Variants in ST8SIA2 observed in about 807,000 individuals in gnomAD.
ST8SIA2 encodes the protein ST8 alpha-N-acetyl-neuraminide alpha-2,8-sialyltransferase 2.
Under a neutral mutation model 37.6 loss-of-function variants are expected in ST8SIA2, and 22 were observed. The observed-to-expected ratio is 0.58, with a 90% CI of 0.42 to 0.83. The LOEUF (loss-of-function observed/expected upper bound fraction) is 0.83. ST8SIA2 is among the 40% of genes least tolerant of loss of function. The pLI, the probability that ST8SIA2 is intolerant of heterozygous loss-of-function variation, is 0.00. For missense variants in ST8SIA2, 382 were observed against 484.7 expected (o/e 0.79, Z 1.99); for synonymous variants, 205 against 201.2 (o/e 1.02, Z -0.16).
intron 4 of ST8SIA2, among the ~76,000 whole-genome samples, chr15:92,440,430 G>A (rs770472167): frequency 6.6e-6 from 1 of 152,186 alleles, no homozygotes; most frequent in Non-Finnish European, 1.5e-5. Context: ...GTGACTGCAC[G>A]TGGACAGGTG....
chr15:92,441,872 G>C (rs1596244526), intron 4 of ST8SIA2, among the ~76,000 whole-genome samples: 1 of 152,350 alleles, frequency 6.6e-6, no homozygotes, highest in Non-Finnish European at 1.5e-5. Context: ...GAGGGCTGGA[G>C]CCAGGCAGTG....
chr15:92,437,499 G>T (rs1224697442), intron 3 of ST8SIA2, among the ~76,000 whole-genome samples: 1 of 152,168 alleles, frequency 6.6e-6, no homozygotes, highest in Non-Finnish European at 1.5e-5. Flanking sequence ...AGAGAGCTGT[G>T]CTTCGTTCTG....
intron 1 of ST8SIA2, among the ~76,000 whole-genome samples, chr15:92,395,282 G>A (rs1450505366): frequency 6.6e-6 from 1 of 152,234 alleles, no homozygotes; most frequent in Non-Finnish European, 1.5e-5. Context: ...CGAGTCCCGC[G>A]CCGCGTGCGC....
chr15:92,441,151 C>T (rs975911686), intron 4 of ST8SIA2, among the ~76,000 whole-genome samples: 20 of 152,366 alleles, frequency 1.3e-4, no homozygotes, highest in Non-Finnish European at 2.4e-4. Flanking sequence ...AACACAAAGA[C>T]ACGCAAGACC....
rs1049960749 is a variant in ST8SIA2 at position 92,467,919 on chromosome 15, C to G, written c.*3534C>G. 1 of 152,420 alleles carries G rather than the reference C, an allele frequency of 6.6e-6. No individual in the cohort carries two copies. Among genetic ancestry groups the G allele is most frequent in the African/African-American group, 2.4e-5 (1 of 41,452 alleles). The allele number at this position is 152,420 out of a possible 1,614,324, so 9.4% of individuals were successfully genotyped here. A position where few individuals can be genotyped will look rare whatever the true frequency, so the allele number is the denominator to read the frequency against. On this transcript the variant is annotated 3_prime_UTR_variant, in exon 6 of 6. Transcript: ENST00000268164. ...ACACTCACCCCATCTGCTCCCACGG[C>G]AGCACCATCAACTCAACAAGTCAGA...
chr15:92,445,465 T>C (rs932185991), intron 5 of ST8SIA2, among the ~76,000 whole-genome samples: 3 of 152,240 alleles, frequency 2.0e-5, no homozygotes, highest in African/African-American at 7.2e-5. Context: ...AATGTTATCA[T>C]CAATCATCGC....
intron 4 of ST8SIA2, among the ~76,000 whole-genome samples, chr15:92,439,415 C>G (rs548297989): frequency 6.6e-6 from 1 of 152,222 alleles, no homozygotes; most frequent in East Asian, 1.9e-4. Context: ...ACCCCCAACC[C>G]ACTACAGTCA....
At chr15:92,416,699 G>A (rs866770042) in intron 1 of ST8SIA2, among the ~76,000 whole-genome samples, 2 of 152,118 alleles carry the variant, frequency 1.3e-5, no homozygotes, top group African/African-American at 2.4e-5. Flanking sequence ...CCAGGGTCCC[G>A]TCGGGATTCA....
At chr15:92,421,548 A>G (rs929100487) in intron 1 of ST8SIA2, among the ~76,000 whole-genome samples, 7 of 152,242 alleles carry the variant, frequency 4.6e-5, no homozygotes, top group Non-Finnish European at 1.0e-4. Flanking sequence ...GAACCCATGA[A>G]GTAGATACTA....
At chr15:92,453,694 G>A (rs938280749) in intron 5 of ST8SIA2, among the ~76,000 whole-genome samples, 3 of 152,182 alleles carry the variant, frequency 2.0e-5, no homozygotes, top group African/African-American at 7.2e-5. Flanking sequence ...GGGCCACAGT[G>A]GCAGAGAAAT....
chr15:92,441,621 G>A lies in ST8SIA2; in HGVS notation c.548+3011G>A, dbSNP rs866867044. 3.6e-5 allele frequency among the ~76,000 whole-genome samples: 5 copies of A among 140,100 alleles called. No homozygotes were observed. In the South Asian group the frequency reaches 7.3e-4, roughly 21 times the overall value. 91.9% of individuals were successfully genotyped at this position (140,100 alleles called of 152,430 possible). A position where few individuals can be genotyped will look rare whatever the true frequency, so the allele number is the denominator to read the frequency against. ...CACACACACACACACACACACACAC[G>A]CACTTCTTCCATAGGGAGAATCTGA... On this transcript the variant is annotated intron_variant, in intron 4 of 5. Transcript: ENST00000268164.
At chr15:92,416,570 G>A (rs912168272) in intron 1 of ST8SIA2, among the ~76,000 whole-genome samples, 4 of 151,750 alleles carry the variant, frequency 2.6e-5, no homozygotes, top group East Asian at 1.9e-4. Context: ...TGAAGGAGGC[G>A]GGAAGTCTAT....
At position 92,399,518 on chromosome 15, in the gene ST8SIA2, G is replaced by A. The variant is rs77748939; in HGVS notation, c.98+5356G>A. ...TGAATCGTTTAGTGGACGAGTGCAC[G>A]TGGATGGGAAAGAAAATGACCTTGA... is the stretch of plus-strand genomic sequence containing the variant. On this transcript the variant is annotated intron_variant, in intron 1 of 5. Transcript: ENST00000268164. Among the ~76,000 whole-genome samples the A allele has an allele frequency of 5.7e-3, 874 of 152,306 alleles. 7 individuals are homozygous for A. The highest frequency in any genetic ancestry group is 0.017 in the Middle Eastern group (5 of 294).
At chr15:92,396,393 T>C (rs2049430394) in intron 1 of ST8SIA2, among the ~76,000 whole-genome samples, 1 of 152,088 alleles carries the variant, frequency 6.6e-6, no homozygotes, top group Non-Finnish European at 1.5e-5. Flanking sequence ...AGTAAACACA[T>C]GGGCAGAGCA....
chr15:92,442,901 G>C (rs1237431142), intron 4 of ST8SIA2, among the ~76,000 whole-genome samples: 4 of 152,102 alleles, frequency 2.6e-5, no homozygotes, highest in Non-Finnish European at 4.4e-5. Flanking sequence ...TCCCTTTCTA[G>C]CTCTGGGCCT....
intron 1 of ST8SIA2, among the ~76,000 whole-genome samples, chr15:92,394,829 C>G (rs995638027): frequency 6.6e-6 from 1 of 152,208 alleles, no homozygotes; most frequent in Admixed American, 6.5e-5. Context: ...ACGGCAACCC[C>G]GGCGACCCTG....
intron 4 of ST8SIA2, among the ~76,000 whole-genome samples, chr15:92,443,372 G>GTT (rs2049817015): frequency 1.3e-5 from 2 of 152,136 alleles, no homozygotes; most frequent in Non-Finnish European, 2.9e-5. Flanking sequence ...CCCAGGCCGG[G>GTT]TCTCCCACAA....
intron 2 of ST8SIA2, among the ~76,000 whole-genome samples, chr15:92,430,465 GT>G (rs1414768900): frequency 6.6e-6 from 1 of 152,218 alleles, no homozygotes; most frequent in African/African-American, 2.4e-5. Flanking sequence ...CAATTTCATT[GT>G]GGTAAATGGC....
At chr15:92,424,875 G>A (rs939861373) in intron 1 of ST8SIA2, among the ~76,000 whole-genome samples, 3 of 152,166 alleles carry the variant, frequency 2.0e-5, no homozygotes, top group African/African-American at 7.2e-5. Context: ...GCCTCCCAAA[G>A]TAAAAATTGA....
Sources: gnomAD v4.1 joint callset for allele counts (sites outside exome capture counted in the v4.1 genomes callset) on GRCh38, gnomAD v4.1.1 for gene constraint, MANE v1.5 for transcripts, NCBI Gene and HGNC (gene_info 2026-07-23, HGNC 2026-07-21) for gene names.